Variants in LAMA1 observed in about 807,000 individuals in gnomAD.
The protein encoded by LAMA1 is laminin subunit alpha-1.
A neutral mutation model predicts 348.7 loss-of-function variants in LAMA1; 219 were observed. The observed-to-expected ratio is 0.63, with a 90% CI of 0.56 to 0.70. The LOEUF is 0.70. Ranked by LOEUF, LAMA1 falls within the 30% of genes least tolerant of loss-of-function variation. LAMA1 has a pLI of 0.00. For synonymous variants in LAMA1, 1,487 were observed against 1,491.0 expected (o/e 1.00, Z 0.06); for missense variants, 3,744 against 3,888.0 (o/e 0.96, Z 0.99).
intron 1 of LAMA1, among the ~76,000 whole-genome samples, chr18:7,104,403 C>T (rs931120336): frequency 1.3e-5 from 2 of 152,154 alleles, no homozygotes; most frequent in Admixed American, 1.3e-4. Flanking sequence ...GCAAAACTCT[C>T]GGCCCTTAAG....
At chr18:7,013,021 C>T (rs1466140392) in intron 23 of LAMA1, among the ~76,000 whole-genome samples, 3 of 151,628 alleles carry the variant, frequency 2.0e-5, no homozygotes, top group Non-Finnish European at 2.9e-5. Flanking sequence ...TTTAGCCAGG[C>T]GTGGTGGTGG....
intron 5 of LAMA1, 77 bp from the exon 6 acceptor site, chr18:7,046,444 T>C (rs1434965764): frequency 2.5e-6 from 2 of 812,204 alleles, no homozygotes; most frequent in Non-Finnish European, 4.3e-6. Context: ...CACCAACAAA[T>C]ATCTCATGTA....
chr18:6,954,785 G>A, intron 57 of LAMA1: 1 of 195,122 alleles, frequency 5.1e-6, no homozygotes, highest in Non-Finnish European at 1.1e-5. Flanking sequence ...GCAGGGCATG[G>A]CAGAGACTGC....
rs1402848049 is a variant in LAMA1, at chr18:7,009,290, A to G, written c.3950T>C (p.Ile1317Thr). The G allele has an allele frequency of 1.9e-6, 3 of 1,613,586 alleles. No homozygotes were observed. The highest frequency in any genetic ancestry group is 2.5e-6 in the Non-Finnish European group (3 of 1,179,598). Residue 1317 changes from isoleucine to threonine, a missense_variant, in exon 27 of 63, where the codon ATT becomes ACT. This residue lies in a region of LAMA1 where 1,983 missense variants were observed against 1,934.3 expected (regional missense o/e 1.03). Transcript: ENST00000389658. ...CGATGCCTTGATGAGGATGTACTCA[A>G]TATCGCTGAGGACAGACATAAAATC... ...REDFMSVLSDIEYILIKASYG... is the reference protein window; with the variant it reads ...REDFMSVLSDTEYILIKASYG...
rs2057843775 is a variant in LAMA1, at chr18:7,008,534, A to AT, written c.4075_4076insA (p.Leu1359TyrfsTer32). On this transcript the variant is annotated frameshift_variant, in exon 28 of 63. Transcript: ENST00000389658. LOFTEE classifies it high-confidence loss of function. The stretch of plus-strand genomic sequence containing the variant: ...GCCAGGAGGACAGACACAATTCTCT[A>AT]AAAGAGATGCAACCTCTTCTTCTGG... The AT allele has an allele frequency of 1.9e-6, 3 of 1,614,000 alleles. No homozygotes were observed. The highest frequency in any genetic ancestry group is 1.3e-5 in the African/African-American group (1 of 74,924).
At chr18:7,004,162 C>A (rs1295458262) in intron 29 of LAMA1, among the ~76,000 whole-genome samples, 4 of 152,110 alleles carry the variant, frequency 2.6e-5, no homozygotes, top group African/African-American at 9.7e-5. Flanking sequence ...CTAATGAGAA[C>A]CAAAGTGTGG....
chr18:7,113,312 T>C (rs1388751670), intron 1 of LAMA1, among the ~76,000 whole-genome samples: 2 of 152,192 alleles, frequency 1.3e-5, no homozygotes, highest in African/African-American at 4.8e-5. Flanking sequence ...TGCAGGCGTA[T>C]CCCAGATAAT....
intron 48 of LAMA1, 42 bp from the exon 49 acceptor site, chr18:6,966,339 G>A (rs375525754): frequency 1.4e-5 from 22 of 1,587,568 alleles, no homozygotes; most frequent in Non-Finnish European, 1.9e-5. Context: ...TTCTCAGGAG[G>A]GTAGAAAGAA....
chr18:7,048,676 C>T (rs930868929), intron 5 of LAMA1, among the ~76,000 whole-genome samples: 17 of 152,196 alleles, frequency 1.1e-4, no homozygotes, highest in African/African-American at 3.9e-4. Flanking sequence ...CGACACCAGT[C>T]TTACACACTT....
At chr18:6,978,118 C>T (rs578131679) in intron 43 of LAMA1, 78 bp downstream of exon 43, 138 of 1,567,330 alleles carry the variant, frequency 8.8e-5, no homozygotes, top group Middle Eastern at 5.1e-4. Context: ...TTGTGAAAAA[C>T]GCACCACTGT....
At chr18:6,956,966 T>C (rs2057581904) in intron 55 of LAMA1, 1 of 605,972 alleles carries the variant, frequency 1.7e-6, no homozygotes, top group African/African-American at 1.8e-5. Flanking sequence ...AGCTTCTGCT[T>C]GCAATGGCAC....
intron 58 of LAMA1, among the ~76,000 whole-genome samples, 194 bp from the exon 59 acceptor site, chr18:6,949,453 A>G (rs1434589683): frequency 1.3e-5 from 2 of 152,240 alleles, no homozygotes; most frequent in African/African-American, 4.8e-5. Context: ...GGAGGCAGGT[A>G]TGAAACTGCC....
At chr18:7,044,650 G>A (rs2058034526) in intron 7 of LAMA1, 72 bp downstream of exon 7, 1 of 1,179,786 alleles carries the variant, frequency 8.5e-7, no homozygotes, top group African/African-American at 1.5e-5. Flanking sequence ...TATAAAAGTT[G>A]TTAAGACACC....
intron 53 of LAMA1, chr18:6,960,559 A>G (rs150517850): frequency 3.4e-4 from 51 of 151,438 alleles, no homozygotes; most frequent in African/African-American, 1.2e-3. Context: ...TGAGTGATGA[A>G]AATGTTTGCA....
chr18:7,056,949 GC>G (rs1186874178), intron 3 of LAMA1, among the ~76,000 whole-genome samples: 1 of 151,202 alleles, frequency 6.6e-6, no homozygotes, highest in East Asian at 1.9e-4. Flanking sequence ...TTGGCTCACT[GC>G]AACCTCCGCC....
rs558678022 is a variant in LAMA1, at chr18:7,078,315, T to C, written c.345+1660A>G. Among the ~76,000 whole-genome samples the C allele has an allele frequency of 3.0e-3, 452 of 151,000 alleles. 2 individuals carry two copies. Among genetic ancestry groups the C allele is most frequent in the African/African-American group, 9.8e-3 (404 of 41,254 alleles). ...CCGAGTAGCTGGGACTACAGGCGCC[T>C]GCCACCACGCCCAGCTAATTTTTTG... On this transcript the variant is annotated intron_variant, in intron 3 of 62. Transcript: ENST00000389658.
chr18:6,996,790 A>G (rs1363370663), intron 33 of LAMA1, among the ~76,000 whole-genome samples: 1 of 152,036 alleles, frequency 6.6e-6, no homozygotes, highest in African/African-American at 2.4e-5. Flanking sequence ...AAAAAATAAT[A>G]AAATAAATAA....
In LAMA1 at chr18:6,980,677, T is replaced by C. The variant is rs534625438; in HGVS notation, c.5891-40A>G. The C allele has an allele frequency of 3.4e-4, 447 of 1,323,046 alleles. 3 individuals are homozygous for C. The South Asian group carries it at 4.9e-3, about 14-fold the overall frequency. 82.0% of individuals were successfully genotyped at this position (1,323,046 alleles called of 1,614,324 possible). A position where few individuals can be genotyped will look rare whatever the true frequency, so the allele number is the denominator to read the frequency against. Reference sequence around the variant, plus strand: ...AAAAATGTTTCCTTTCAGGTTAGCCTACAAAAAAGTTGCCTAGGCAACAGC... The same window carrying C: ...AAAAATGTTTCCTTTCAGGTTAGCCCACAAAAAAGTTGCCTAGGCAACAGC... On this transcript the variant is annotated intron_variant, in intron 41 of 62. Transcript: ENST00000389658.
At position 7,050,624 on chromosome 18, in the gene LAMA1, C is replaced by A. The variant is rs1371444148; in HGVS notation, c.588+70G>T. On this transcript the variant is annotated intron_variant, in intron 4 of 62. Transcript: ENST00000389658. ...TAAAGATCTTTGTATTGAGAGAGAT[C>A]AATTTTGAGTCTGAGACAGGGAGAC... 15 of 1,607,912 alleles carry A rather than the reference C, an allele frequency of 9.3e-6. No individual in the cohort carries two copies. In the East Asian group the frequency reaches 3.1e-4, roughly 33 times the overall value.
Sources: gnomAD v4.1 joint callset for allele counts (sites outside exome capture counted in the v4.1 genomes callset) on GRCh38, gnomAD v4.1.1 for gene constraint, gnomAD v4.1.1 regional missense constraint, MANE v1.5 for transcripts, NCBI Gene and HGNC (gene_info 2026-07-23, HGNC 2026-07-21) for gene names.